The following GRAMD1C variants were observed in gnomAD, a reference collection of about 807,000 sequenced individuals.
GRAMD1C encodes GRAM domain containing 1C.
GRAMD1C carries 89 observed loss-of-function variants against 97.8 expected under a neutral mutation model. The observed-to-expected ratio is 0.91, with a 90% CI of 0.77 to 1.09. GRAMD1C has a LOEUF of 1.09. Among genes scored for constraint, GRAMD1C ranks in the 50% least tolerant of loss-of-function variants. The probability of loss-of-function intolerance (pLI) is 0.00; values close to 1 mark genes in which losing one functional copy is unlikely to be tolerated. For missense variants in GRAMD1C, 740 were observed against 766.4 expected (o/e 0.97, Z 0.41); for synonymous variants, 256 against 267.0 (o/e 0.96, Z 0.40).
chr3:113,831,456 A>G (rs1303349646), intron 1 of GRAMD1C, among the ~76,000 whole-genome samples: 1 of 151,880 alleles, frequency 6.6e-6, no homozygotes, highest in Admixed American at 6.6e-5. Context: ...TTTTTTGTAG[A>G]TCTTTATATA....
chr3:113,919,849 A>C, intron 10 of GRAMD1C: 1 of 652,178 alleles, frequency 1.5e-6, no homozygotes, highest in Non-Finnish European at 2.8e-6. Context: ...TGGAGTTACA[A>C]CTGATCAAAA....
In GRAMD1C at chr3:113,917,795, C is replaced by T. The variant is rs143295480; in HGVS notation, c.1090+1957C>T. On this transcript the variant is annotated intron_variant, in intron 10 of 17. Transcript: ENST00000358160. ...GCAACCTCCGCCTCCTGGGCTCAAG[C>T]GATTCTTGCACCTCAGCCTCCCGAG... 2.5e-3 allele frequency among the ~76,000 whole-genome samples: 376 copies of T among 149,076 alleles called. 3 individuals carry two copies. Among genetic ancestry groups the T allele is most frequent in the Non-Finnish European group, 3.6e-3 (242 of 67,646 alleles).
intron 2 of GRAMD1C, among the ~76,000 whole-genome samples, chr3:113,861,058 T>C (rs748724599): frequency 5.3e-5 from 8 of 152,030 alleles, no homozygotes; most frequent in East Asian, 1.9e-4. Context: ...AAGTTTATGA[T>C]AAATTGATTT....
intron 2 of GRAMD1C, among the ~76,000 whole-genome samples, chr3:113,861,267 A>G (rs1934364847): frequency 6.6e-6 from 1 of 152,190 alleles, no homozygotes; most frequent in Non-Finnish European, 1.5e-5. Flanking sequence ...AATCTTCATG[A>G]ACTTTGGATT....
chr3:113,931,519 T>G (rs1937420677), intron 11 of GRAMD1C, among the ~76,000 whole-genome samples: 1 of 151,998 alleles, frequency 6.6e-6, no homozygotes, highest in Non-Finnish European at 1.5e-5. Context: ...CCACCATGCC[T>G]GGCTAATTTT....
intron 14 of GRAMD1C, 76 bp from the exon 15 acceptor site, chr3:113,938,010 A>AC: frequency 1.2e-6 from 1 of 813,220 alleles, no homozygotes. Context: ...CTTCTCAAAA[A>AC]AAAAAAAAAA....
intron 10 of GRAMD1C, among the ~76,000 whole-genome samples, chr3:113,920,937 G>A (rs1053452407): frequency 6.6e-6 from 1 of 152,160 alleles, no homozygotes; most frequent in African/African-American, 2.4e-5. Flanking sequence ...TTAGTTTCAA[G>A]GGTACATGTG....
chr3:113,932,775 A>G (rs1232201492), intron 11 of GRAMD1C, among the ~76,000 whole-genome samples: 2 of 152,154 alleles, frequency 1.3e-5, no homozygotes, highest in Admixed American at 1.3e-4. Context: ...GTGCAGTCAT[A>G]GTTCACTGCA....
intron 2 of GRAMD1C, among the ~76,000 whole-genome samples, chr3:113,853,506 C>T (rs1360710886): frequency 6.6e-6 from 1 of 152,166 alleles, no homozygotes; most frequent in East Asian, 1.9e-4. Context: ...CAGTGAGCTG[C>T]TCACAGGATA....
intron 11 of GRAMD1C, among the ~76,000 whole-genome samples, chr3:113,933,036 C>T (rs920088454): frequency 8.5e-5 from 13 of 152,192 alleles, no homozygotes; most frequent in African/African-American, 1.7e-4. Flanking sequence ...AGGCATGTGC[C>T]GCCACTCCTG....
chr3:113,875,420 G>A, intron 3 of GRAMD1C, 64 bp from the exon 4 acceptor site: 3 of 771,062 alleles, frequency 3.9e-6, no homozygotes, highest in South Asian at 2.8e-5. Flanking sequence ...TTGAAATATA[G>A]TATAAGGTCT....
At chr3:113,919,173 C>A in intron 10 of GRAMD1C, 1 of 296,882 alleles carries the variant, frequency 3.4e-6, no homozygotes, top group South Asian at 3.3e-5. Context: ...TGACAGTTCT[C>A]CTGAGTGAAA....
chr3:113,894,233 C>T (rs189750570), intron 6 of GRAMD1C, among the ~76,000 whole-genome samples: 1 of 151,908 alleles, frequency 6.6e-6, no homozygotes. Context: ...TTTAGGATTA[C>T]AGATATTATA....
chr3:113,885,139 G>T (rs1935418130), intron 6 of GRAMD1C, among the ~76,000 whole-genome samples: 1 of 151,908 alleles, frequency 6.6e-6, no homozygotes, highest in South Asian at 2.1e-4. Context: ...CCCCTCGCCA[G>T]GGGTGGCTTT....
intron 6 of GRAMD1C, among the ~76,000 whole-genome samples, chr3:113,894,728 A>G (rs1935866549): frequency 6.6e-6 from 1 of 152,194 alleles, no homozygotes; most frequent in Non-Finnish European, 1.5e-5. Flanking sequence ...ATCTGTACTT[A>G]TTTTGAATTT....
chr3:113,904,084 A>G, intron 7 of GRAMD1C, 56 bp from the exon 8 acceptor site: 3 of 1,414,886 alleles, frequency 2.1e-6, no homozygotes, highest in South Asian at 1.2e-5. Context: ...AGGAGACCAA[A>G]TCATTTATTT....
intron 6 of GRAMD1C, among the ~76,000 whole-genome samples, 155 bp downstream of exon 6, chr3:113,882,987 GT>G (rs1428038104): frequency 2.0e-5 from 3 of 152,026 alleles, no homozygotes; most frequent in Non-Finnish European, 4.4e-5. Flanking sequence ...ATAGTTACAA[GT>G]TAAGATGTTA....
chr3:113,836,121 G>A (rs574938169), upstream of GRAMD1C, among the ~76,000 whole-genome samples: 2 of 151,978 alleles, frequency 1.3e-5, no homozygotes, highest in South Asian at 2.1e-4. Context: ...AAAATTAGCC[G>A]GGCATGGTGG....
upstream of GRAMD1C, among the ~76,000 whole-genome samples, chr3:113,835,880 G>A (rs1160807619): frequency 6.6e-6 from 1 of 152,150 alleles, no homozygotes; most frequent in Non-Finnish European, 1.5e-5. Context: ...CACAGTTTAT[G>A]CAAAGTTTTG....
Sources: allele counts gnomAD v4.1 joint callset (sites outside exome capture counted in the v4.1 genomes callset), GRCh38; gene constraint gnomAD v4.1.1; transcripts MANE v1.5; gene names NCBI Gene and HGNC (gene_info 2026-07-23, HGNC 2026-07-21).